The following PDE11A variants were observed in gnomAD, a reference collection of about 807,000 sequenced individuals.
The protein encoded by PDE11A is phosphodiesterase 11A, also known as dual 3',5'-cyclic-AMP and -GMP phosphodiesterase 11A.
PDE11A carries 100 observed loss-of-function variants against 100.5 expected under a neutral mutation model. That is an observed-to-expected ratio of 1.00 (90% confidence interval 0.85 to 1.18). PDE11A has a LOEUF of 1.18. PDE11A is among the 50% of genes most tolerant of loss of function. PDE11A has a pLI of 0.00. For synonymous variants in PDE11A, 381 were observed against 420.8 expected (o/e 0.91, Z 1.16); for missense variants, 1,141 against 1,152.6 (o/e 0.99, Z 0.15).
At chr2:177,706,216 T>C (rs1018574330) in intron 13 of PDE11A, among the ~76,000 whole-genome samples, 2 of 152,244 alleles carry the variant, frequency 1.3e-5, no homozygotes, top group African/African-American at 4.8e-5. Context: ...GCATTTTATA[T>C]AGTAATTTGT....
At chr2:177,822,094 T>C (rs1317354589) in intron 6 of PDE11A, among the ~76,000 whole-genome samples, 1 of 151,930 alleles carries the variant, frequency 6.6e-6, no homozygotes, top group African/African-American at 2.4e-5. Flanking sequence ...TAATATGATA[T>C]AGGCAAATAT....
intron 5 of PDE11A, among the ~76,000 whole-genome samples, chr2:177,868,360 G>T (rs1451140771): frequency 2.6e-5 from 4 of 152,148 alleles, no homozygotes; most frequent in Non-Finnish European, 5.9e-5. Context: ...GAAAAACAAA[G>T]CGGCTCTAGG....
intron 17 of PDE11A, among the ~76,000 whole-genome samples, chr2:177,670,804 T>C (rs571364892): frequency 6.6e-6 from 1 of 152,322 alleles, no homozygotes; most frequent in Non-Finnish European, 1.5e-5. Flanking sequence ...TGCAGTCACA[T>C]ATAAAGAAAT....
chr2:177,815,330 G>A (rs765881738), intron 9 of PDE11A, among the ~76,000 whole-genome samples: 7 of 152,032 alleles, frequency 4.6e-5, no homozygotes, highest in Non-Finnish European at 7.4e-5. Context: ...TCTCACAATT[G>A]AGGTAAGTGA....
At chr2:177,681,495 C>G (rs1230679515) in intron 15 of PDE11A, among the ~76,000 whole-genome samples, 1 of 152,184 alleles carries the variant, frequency 6.6e-6, no homozygotes, top group African/African-American at 2.4e-5. Flanking sequence ...GTCTCAATTT[C>G]TTAATCTCTA....
At chr2:177,731,040 G>A (rs1017176230) in intron 10 of PDE11A, among the ~76,000 whole-genome samples, 2 of 151,898 alleles carry the variant, frequency 1.3e-5, no homozygotes, top group African/African-American at 2.4e-5. Context: ...TGCAATATTC[G>A]TCTTTTTTGT....
intron 16 of PDE11A, among the ~76,000 whole-genome samples, chr2:177,676,674 C>A (rs553249630): frequency 6.6e-6 from 1 of 152,312 alleles, no homozygotes; most frequent in Non-Finnish European, 1.5e-5. Flanking sequence ...TTCCAAACAT[C>A]CCTGTGTTAA....
intron 2 of PDE11A, among the ~76,000 whole-genome samples, chr2:177,980,975 TACACACAC>T (rs3073403): frequency 0.18 from 23,079 of 129,628 alleles, 2,633 homozygotes; most frequent in Non-Finnish European, 0.21. Context: ...GAGAACTAGA[TACACACAC>T]ACACACACAC....
intron 12 of PDE11A, among the ~76,000 whole-genome samples, chr2:177,722,115 T>C (rs565723746): frequency 1.3e-5 from 2 of 152,136 alleles, no homozygotes; most frequent in South Asian, 4.1e-4. Context: ...ATCATAAAAA[T>C]CTCAAGAATA....
intron 1 of PDE11A, among the ~76,000 whole-genome samples, chr2:178,028,391 G>A (rs1251568007): frequency 1.3e-5 from 2 of 151,984 alleles, no homozygotes; most frequent in Admixed American, 6.6e-5. Flanking sequence ...TCAACCTGTG[G>A]GGGGAAGTCA....
At chr2:177,912,365 C>G (rs965458779) in intron 2 of PDE11A, among the ~76,000 whole-genome samples, 10 of 152,126 alleles carry the variant, frequency 6.6e-5, no homozygotes, top group African/African-American at 2.4e-4. Context: ...AAAATATCCC[C>G]AGGAGGCTAT....
chr2:177,907,073 T>C (rs2084801076), intron 2 of PDE11A, among the ~76,000 whole-genome samples: 1 of 152,140 alleles, frequency 6.6e-6, no homozygotes, highest in East Asian at 1.9e-4. Context: ...GTGAAATGTT[T>C]TCTAATATAT....
chr2:177,830,774 T>C (rs1266046959), intron 6 of PDE11A, among the ~76,000 whole-genome samples: 10 of 151,856 alleles, frequency 6.6e-5, no homozygotes, highest in African/African-American at 2.2e-4. Context: ...ATGGAGCAGA[T>C]GACTGATAAA....
chr2:177,886,816 G>A (rs1285003417), intron 4 of PDE11A, among the ~76,000 whole-genome samples: 1 of 151,986 alleles, frequency 6.6e-6, no homozygotes, highest in African/African-American at 2.4e-5. Context: ...AAAACACAGA[G>A]GAAATCAGAA....
At chr2:177,674,397 G>C (rs1458027975) in intron 17 of PDE11A, among the ~76,000 whole-genome samples, 1 of 152,182 alleles carries the variant, frequency 6.6e-6, no homozygotes, top group Non-Finnish European at 1.5e-5. Flanking sequence ...TGCTCCCTCT[G>C]GAGGCTCTTG....
chr2:177,877,818 T>G (rs1023863959), intron 4 of PDE11A, among the ~76,000 whole-genome samples: 1 of 152,098 alleles, frequency 6.6e-6, no homozygotes, highest in African/African-American at 2.4e-5. Context: ...TACCACATGA[T>G]AGAAAAACAA....
intron 12 of PDE11A, among the ~76,000 whole-genome samples, chr2:177,724,429 G>A (rs183172222): frequency 4.5e-4 from 69 of 151,924 alleles, no homozygotes; most frequent in Admixed American, 4.0e-3. Context: ...TTTTCCACCC[G>A]TGAAGTGATT....
At chr2:178,039,620 C>A (rs16866025) in intron 1 of PDE11A, among the ~76,000 whole-genome samples, 10,261 of 150,802 alleles carry the variant, frequency 0.068, 386 homozygotes, top group East Asian at 0.14. Flanking sequence ...GAGACCTATA[C>A]AAAATGCCCA....
intron 19 of PDE11A, among the ~76,000 whole-genome samples, chr2:177,630,226 C>T (rs183482772): frequency 4.7e-4 from 72 of 152,192 alleles, no homozygotes; most frequent in African/African-American, 1.7e-3. Flanking sequence ...AGATGGACGA[C>T]CAGGCTGATG....
Sources: allele counts gnomAD v4.1 joint callset (sites outside exome capture counted in the v4.1 genomes callset), GRCh38; gene constraint gnomAD v4.1.1; transcripts MANE v1.5; gene names NCBI Gene and HGNC (gene_info 2026-07-23, HGNC 2026-07-21).